LIPC: variants seen among roughly 807,000 people sequenced by gnomAD.
The protein encoded by LIPC is hepatic triacylglycerol lipase.
In LIPC, 44 loss-of-function variants were observed where a neutral mutation model predicts 50.7. The ratio of observed to expected loss-of-function variants is 0.87; its 90% CI spans 0.68 to 1.11. LIPC has a LOEUF of 1.11. Ranked by LOEUF, LIPC falls within the 50% of genes most tolerant of loss-of-function variation. The pLI is 0.00. For synonymous variants in LIPC, 271 were observed against 256.4 expected (o/e 1.06, Z -0.54); for missense variants, 697 against 648.2 (o/e 1.08, Z -0.82).
At chr15:58,468,619 G>C (rs568597112) in intron 1 of LIPC, among the ~76,000 whole-genome samples, 1 of 152,130 alleles carries the variant, frequency 6.6e-6, no homozygotes, top group African/African-American at 2.4e-5. Context: ...CAGGGGATTT[G>C]TGATTAATAC....
chr15:58,488,940 G>A (rs1891471159), intron 1 of LIPC, among the ~76,000 whole-genome samples: 1 of 152,138 alleles, frequency 6.6e-6, no homozygotes, highest in Non-Finnish European at 1.5e-5. Context: ...TTCTGGTTTT[G>A]TCATCTGCAA....
At chr15:58,450,905 G>A (rs1893876880) in intron 1 of LIPC, among the ~76,000 whole-genome samples, 1 of 152,212 alleles carries the variant, frequency 6.6e-6, no homozygotes, top group South Asian at 2.1e-4. Flanking sequence ...GACTCTGGGA[G>A]TTTCCTGATG....
At chr15:58,449,552 TG>T (rs1370782756) in intron 1 of LIPC, among the ~76,000 whole-genome samples, 2 of 151,948 alleles carry the variant, frequency 1.3e-5, no homozygotes, top group African/African-American at 4.8e-5. Flanking sequence ...TAAATGCATT[TG>T]TTCTTTTTTT....
At chr15:58,535,374 A>G (rs1209258021) in intron 1 of LIPC, among the ~76,000 whole-genome samples, 1 of 152,236 alleles carries the variant, frequency 6.6e-6, no homozygotes. Flanking sequence ...ACCTGTATAC[A>G]GTATACAGCT....
chr15:58,516,900 A>G (rs1272027495), intron 1 of LIPC, among the ~76,000 whole-genome samples: 1 of 152,194 alleles, frequency 6.6e-6, no homozygotes, highest in Admixed American at 6.5e-5. Context: ...GATACCGGAC[A>G]TTGTGAATTT....
chr15:58,471,331 G>GGGT (rs1253543611), intron 1 of LIPC, among the ~76,000 whole-genome samples: 4 of 139,094 alleles, frequency 2.9e-5, no homozygotes, highest in East Asian at 2.1e-4. Context: ...GTAGAGATGG[G>GGGT]GGGGGGTGGT....
intron 1 of LIPC, among the ~76,000 whole-genome samples, chr15:58,528,631 A>C (rs150093123): frequency 6.6e-6 from 1 of 152,140 alleles, no homozygotes; most frequent in Non-Finnish European, 1.5e-5. Context: ...CAACCTCCCA[A>C]GTAGCTGGGA....
intron 7 of LIPC, 65 bp downstream of exon 7, chr15:58,561,046 ACT>A: frequency 1.2e-6 from 1 of 860,036 alleles, no homozygotes; most frequent in Non-Finnish European, 2.0e-6. Flanking sequence ...ACATAAATGG[ACT>A]CTGTAATTTT....
intron 6 of LIPC, among the ~76,000 whole-genome samples, chr15:58,550,675 C>T (rs1433337001): frequency 6.6e-6 from 1 of 151,956 alleles, no homozygotes; most frequent in African/African-American, 2.4e-5. Context: ...TCTTTATTAC[C>T]GACTACTTAT....
chr15:58,567,538 A>G (rs1595963998), intron 8 of LIPC, among the ~76,000 whole-genome samples: 1 of 151,758 alleles, frequency 6.6e-6, no homozygotes, highest in African/African-American at 2.4e-5. Flanking sequence ...ATATGAATAC[A>G]TATGTACAGA....
chr15:58,450,065 CT>C (rs1176338464), intron 1 of LIPC, among the ~76,000 whole-genome samples: 1 of 152,140 alleles, frequency 6.6e-6, no homozygotes, highest in Non-Finnish European at 1.5e-5. Context: ...AAAATTGCCC[CT>C]GTCTTATGGG....
chr15:58,515,533 C>CATATATATATATATATATATAT (rs1555403164), intron 1 of LIPC, among the ~76,000 whole-genome samples: 4 of 141,696 alleles, frequency 2.8e-5, no homozygotes, highest in African/African-American at 1.1e-4. Flanking sequence ...TATACACACA[C>CATATATATATATATATATATAT]ATATATATAT....
At chr15:58,469,124 G>GTT (rs1383399690) in intron 1 of LIPC, among the ~76,000 whole-genome samples, 1 of 151,354 alleles carries the variant, frequency 6.6e-6, no homozygotes, top group Non-Finnish European at 1.5e-5. Flanking sequence ...GTGTGTGTGT[G>GTT]TGTGTGTGTG....
chr15:58,553,365 G>T (rs1893827354), intron 6 of LIPC, among the ~76,000 whole-genome samples: 1 of 152,220 alleles, frequency 6.6e-6, no homozygotes, highest in Non-Finnish European at 1.5e-5. Flanking sequence ...GGAGGCCAAG[G>T]TGGGAGGATC....
intron 1 of LIPC, among the ~76,000 whole-genome samples, chr15:58,444,919 C>G (rs1198957776): frequency 6.6e-6 from 1 of 152,232 alleles, no homozygotes; most frequent in Non-Finnish European, 1.5e-5. Flanking sequence ...ATTTGAGCTT[C>G]AGCAACTCTC....
intron 1 of LIPC, among the ~76,000 whole-genome samples, chr15:58,480,151 TC>T (rs1221061624): frequency 1.2e-4 from 19 of 152,200 alleles, no homozygotes; most frequent in African/African-American, 4.6e-4. Context: ...CCTGGTGAAA[TC>T]TTACGCATTC....
intron 1 of LIPC, among the ~76,000 whole-genome samples, chr15:58,520,639 G>A (rs946268686): frequency 1.3e-5 from 2 of 152,204 alleles, no homozygotes; most frequent in African/African-American, 4.8e-5. Context: ...GAAATACGGA[G>A]GGCGGGGGCA....
intron 1 of LIPC, among the ~76,000 whole-genome samples, chr15:58,443,726 G>A (rs551694625): frequency 3.9e-4 from 60 of 152,340 alleles, no homozygotes; most frequent in African/African-American, 1.3e-3. Context: ...GAGCAACAAG[G>A]CTGTTTATTT....
At chr15:58,559,687 A>T (rs1894085238) in intron 6 of LIPC, among the ~76,000 whole-genome samples, 1 of 140,876 alleles carries the variant, frequency 7.1e-6, no homozygotes, top group African/African-American at 2.7e-5. Flanking sequence ...TCAGTGACAG[A>T]GAGAGACCCT....
Sources: allele counts gnomAD v4.1 joint callset (sites outside exome capture counted in the v4.1 genomes callset), GRCh38; gene constraint gnomAD v4.1.1; transcripts MANE v1.5; gene names NCBI Gene and HGNC (gene_info 2026-07-23, HGNC 2026-07-21).